Variants in MDGA2 observed in about 807,000 individuals in gnomAD.
MDGA2 encodes the protein MAM domain-containing glycosylphosphatidylinositol anchor protein 2.
Under a neutral mutation model 117.8 loss-of-function variants are expected in MDGA2, and 40 were observed. The ratio of observed to expected loss-of-function variants is 0.34; its 90% CI spans 0.26 to 0.44. MDGA2 has a LOEUF of 0.44. MDGA2 is among the 20% of genes least tolerant of loss of function. The probability of loss-of-function intolerance (pLI) is 1.00; values close to 1 mark genes in which losing one functional copy is unlikely to be tolerated. For synonymous variants in MDGA2, 452 were observed against 439.0 expected, an observed-to-expected ratio of 1.03 and a Z score of -0.37; for missense variants, 1,123 against 1,250.6, an observed-to-expected ratio of 0.90 and a Z score of 1.54.
intron 1 of MDGA2, among the ~76,000 whole-genome samples, chr14:47,353,901 C>G (rs927806865): frequency 6.6e-6 from 1 of 152,092 alleles, no homozygotes; most frequent in South Asian, 2.1e-4. Context: ...TACAAAAATC[C>G]TCAACAGAAT....
At chr14:46,964,777 T>C (rs1885949202) in intron 8 of MDGA2, among the ~76,000 whole-genome samples, 1 of 152,172 alleles carries the variant, frequency 6.6e-6, no homozygotes, top group Non-Finnish European at 1.5e-5. Flanking sequence ...TGTCAAGTTA[T>C]ATTTGTATTT....
chr14:47,517,724 T>C (rs1894783571), intron 1 of MDGA2, among the ~76,000 whole-genome samples: 3 of 152,162 alleles, frequency 2.0e-5, no homozygotes. Flanking sequence ...TGAACTGACA[T>C]TACTCAAACA....
At chr14:47,144,650 CTCTTT>C (rs778032467) in intron 3 of MDGA2, among the ~76,000 whole-genome samples, 23 of 151,816 alleles carry the variant, frequency 1.5e-4, no homozygotes, top group Non-Finnish European at 7.4e-5. Context: ...CTTACTCTTT[CTCTTT>C]TTTCTTTTTT....
chr14:47,032,818 G>A (rs895208275), intron 8 of MDGA2, among the ~76,000 whole-genome samples: 1 of 152,166 alleles, frequency 6.6e-6, no homozygotes. Flanking sequence ...AAGTTCTTCA[G>A]AAGATTTGGA....
At chr14:47,426,257 C>A (rs971400579) in intron 1 of MDGA2, among the ~76,000 whole-genome samples, 20 of 152,026 alleles carry the variant, frequency 1.3e-4, no homozygotes, top group African/African-American at 4.6e-4. Flanking sequence ...GAGGATCTAG[C>A]CTATGGCAGT....
At chr14:46,981,173 G>GT (rs1555340293) in intron 8 of MDGA2, among the ~76,000 whole-genome samples, 1 of 108,420 alleles carries the variant, frequency 9.2e-6, no homozygotes, top group Non-Finnish European at 2.1e-5. Flanking sequence ...GGAGGCCAAG[G>GT]GGGGGGCGGA....
chr14:47,172,666 C>G (rs146350844), intron 3 of MDGA2, among the ~76,000 whole-genome samples: 3,625 of 152,056 alleles, frequency 0.024, 134 homozygotes, highest in African/African-American at 0.083. Context: ...CATCATCAAA[C>G]ACCAAAAGTA....
At chr14:47,498,489 T>A (rs954811901) in intron 1 of MDGA2, among the ~76,000 whole-genome samples, 1 of 152,160 alleles carries the variant, frequency 6.6e-6, no homozygotes, top group Non-Finnish European at 1.5e-5. Context: ...GGCATCCTCA[T>A]TCTAATCTAC....
At chr14:47,333,663 T>C (rs1890356562) in intron 1 of MDGA2, among the ~76,000 whole-genome samples, 1 of 151,768 alleles carries the variant, frequency 6.6e-6, no homozygotes, top group African/African-American at 2.4e-5. Flanking sequence ...CACAAATAAG[T>C]CTTTCTCCTT....
intron 1 of MDGA2, among the ~76,000 whole-genome samples, chr14:47,336,815 T>A (rs12436721): frequency 0.22 from 33,132 of 151,788 alleles, 3,861 homozygotes; most frequent in African/African-American, 0.24. Flanking sequence ...TTATTTACTT[T>A]TTTAGTTTCC....
intron 1 of MDGA2, among the ~76,000 whole-genome samples, chr14:47,662,213 T>C (rs1194835532): frequency 1.3e-5 from 2 of 152,212 alleles, no homozygotes; most frequent in Non-Finnish European, 2.9e-5. Context: ...TTTCTTGGGA[T>C]TAGCCTAAAT....
At chr14:47,396,735 A>G (rs773691983) in intron 1 of MDGA2, among the ~76,000 whole-genome samples, 1 of 152,230 alleles carries the variant, frequency 6.6e-6, no homozygotes, top group Non-Finnish European at 1.5e-5. Flanking sequence ...TATGAAAAAC[A>G]GCTCATCATC....
At chr14:47,070,850 C>G (rs866684090) in intron 6 of MDGA2, among the ~76,000 whole-genome samples, 1 of 152,184 alleles carries the variant, frequency 6.6e-6, no homozygotes, top group Non-Finnish European at 1.5e-5. Flanking sequence ...TCAGGTGATC[C>G]GCCTGCCTCG....
intron 1 of MDGA2, among the ~76,000 whole-genome samples, chr14:47,402,613 A>T (rs1316237896): frequency 5.3e-5 from 8 of 152,312 alleles, no homozygotes; most frequent in African/African-American, 1.9e-4. Flanking sequence ...GTAAAAGAAG[A>T]AAAGAGAAGG....
chr14:46,922,218 A>C (rs1451613460), intron 9 of MDGA2, among the ~76,000 whole-genome samples: 5 of 152,176 alleles, frequency 3.3e-5, no homozygotes, highest in Non-Finnish European at 7.4e-5. Context: ...AAAATGGTAA[A>C]TATTTTGACT....
intron 8 of MDGA2, among the ~76,000 whole-genome samples, chr14:46,960,741 T>C (rs954439203): frequency 1.3e-5 from 2 of 150,282 alleles, no homozygotes; most frequent in Non-Finnish European, 3.0e-5. Flanking sequence ...TTTATATGTA[T>C]ATGTGTATAT....
chr14:47,445,879 TC>T (rs1566460660), intron 1 of MDGA2, among the ~76,000 whole-genome samples: 1 of 152,106 alleles, frequency 6.6e-6, no homozygotes, highest in East Asian at 1.9e-4. Flanking sequence ...GAAATGGAAT[TC>T]AATTTCTTGA....
intron 1 of MDGA2, among the ~76,000 whole-genome samples, chr14:47,524,349 T>G (rs1007445562): frequency 6.6e-6 from 1 of 152,170 alleles, no homozygotes; most frequent in African/African-American, 2.4e-5. Context: ...ACATAAAGAC[T>G]TATTTGATCA....
chr14:46,991,586 T>A (rs549670004), intron 8 of MDGA2, among the ~76,000 whole-genome samples: 62 of 152,240 alleles, frequency 4.1e-4, no homozygotes, highest in African/African-American at 1.4e-3. Context: ...ATACTTTTTA[T>A]GGAAAAAGTT....
Sources: allele counts gnomAD v4.1 joint callset (sites outside exome capture counted in the v4.1 genomes callset), GRCh38; gene constraint gnomAD v4.1.1; transcripts MANE v1.5; gene names NCBI Gene and HGNC (gene_info 2026-07-23, HGNC 2026-07-21).